Variants in SBF2 observed in about 807,000 individuals in gnomAD.
The protein encoded by SBF2 is SET binding factor 2.
SBF2 carries 112 observed loss-of-function variants against 225.2 expected under a neutral mutation model. The ratio of observed to expected loss-of-function variants is 0.50; its 90% CI spans 0.43 to 0.58. The LOEUF is 0.58. Among genes scored for constraint, SBF2 ranks in the 20% least tolerant of loss-of-function variants. SBF2 has a pLI of 0.00. For missense variants in SBF2, 1,996 were observed against 2,206.2 expected (o/e 0.90, Z 1.91); for synonymous variants, 763 against 773.3 (o/e 0.99, Z 0.22).
chr11:10,021,508 G>C (rs949212887), intron 6 of SBF2, among the ~76,000 whole-genome samples: 1 of 151,998 alleles, frequency 6.6e-6, no homozygotes, highest in Non-Finnish European at 1.5e-5. Context: ...AGATGAAGGC[G>C]ATCAAGAGGA....
At chr11:9,789,407 C>A (rs1852593643) in intron 34 of SBF2, 65 bp from the exon 35 acceptor site, 2 of 1,155,446 alleles carry the variant, frequency 1.7e-6, no homozygotes, top group African/African-American at 1.5e-5. Context: ...CACTGTCAGG[C>A]AAACCCCTAA....
At chr11:10,014,729 A>C (rs895814255) in intron 6 of SBF2, among the ~76,000 whole-genome samples, 1 of 151,920 alleles carries the variant, frequency 6.6e-6, no homozygotes, top group Admixed American at 6.6e-5. Flanking sequence ...CTTTCTTCTT[A>C]TCCTAATTGA....
intron 2 of SBF2, among the ~76,000 whole-genome samples, chr11:10,173,827 C>A (rs1240501532): frequency 6.6e-6 from 1 of 150,970 alleles, no homozygotes; most frequent in Non-Finnish European, 1.5e-5. Context: ...AACAGGCAGA[C>A]TGCCTCCTCA....
chr11:9,900,507 G>A (rs1057496502), intron 16 of SBF2, among the ~76,000 whole-genome samples: 3 of 151,990 alleles, frequency 2.0e-5, no homozygotes, highest in Admixed American at 6.6e-5. Context: ...TAGCCTGTGC[G>A]GTCTAACCCT....
At chr11:10,163,031 A>T (rs1192439274) in intron 2 of SBF2, among the ~76,000 whole-genome samples, 1 of 152,206 alleles carries the variant, frequency 6.6e-6, no homozygotes, top group Non-Finnish European at 1.5e-5. Flanking sequence ...GGTCGAAGAC[A>T]GCATAAAACA....
In SBF2 at chr11:10,185,453, T is replaced by G. The variant is rs185113268; in HGVS notation, c.141+8449A>C. 4.1e-3 allele frequency among the ~76,000 whole-genome samples: 623 copies of G among 152,266 alleles called. 4 individuals are homozygous for G. The highest frequency in any genetic ancestry group is 0.027 in the Middle Eastern group (8 of 294). The stretch of plus-strand genomic sequence containing the variant: ...TTGTTATTTTCTGGGATTTTTGTTT[T>G]GTTTTGGGGCTTTTTTTAGAGTTGG... On this transcript the variant is annotated intron_variant, in intron 2 of 39. Transcript: ENST00000256190.
At chr11:10,198,813 A>G (rs1957472306) in intron 1 of SBF2, among the ~76,000 whole-genome samples, 1 of 152,126 alleles carries the variant, frequency 6.6e-6, no homozygotes, top group African/African-American at 2.4e-5. Context: ...CTTTTCTTAA[A>G]CCTCATGAAC....
intron 16 of SBF2, among the ~76,000 whole-genome samples, chr11:9,947,204 G>A (rs1161557946): frequency 6.6e-6 from 1 of 152,154 alleles, no homozygotes; most frequent in Non-Finnish European, 1.5e-5. Flanking sequence ...AAATATTTTA[G>A]TTCAAATAAG....
At chr11:10,077,699 A>G (rs1951176583) in intron 2 of SBF2, among the ~76,000 whole-genome samples, 1 of 152,270 alleles carries the variant, frequency 6.6e-6, no homozygotes, top group Non-Finnish European at 1.5e-5. Flanking sequence ...AAGAAAACGT[A>G]GGCAATACCA....
intron 16 of SBF2, chr11:9,959,900 C>G (rs1866451697): frequency 2.7e-6 from 1 of 375,658 alleles, no homozygotes; most frequent in East Asian, 5.9e-5. Flanking sequence ...GCTCTTCTCC[C>G]ATTCTCGGCT....
chr11:10,155,074 C>T (rs1955401773), intron 2 of SBF2, among the ~76,000 whole-genome samples: 1 of 152,138 alleles, frequency 6.6e-6, no homozygotes, highest in Admixed American at 6.5e-5. Flanking sequence ...TTAAACTCCA[C>T]CTGGACTTCT....
chr11:9,983,301 G>A (rs1440378840), intron 13 of SBF2, among the ~76,000 whole-genome samples: 2 of 152,128 alleles, frequency 1.3e-5, no homozygotes, highest in Non-Finnish European at 2.9e-5. Flanking sequence ...GCCTGTGACT[G>A]CCGGCTTTCC....
intron 1 of SBF2, among the ~76,000 whole-genome samples, chr11:10,228,618 A>C (rs1399672338): frequency 6.6e-6 from 1 of 152,198 alleles, no homozygotes; most frequent in African/African-American, 2.4e-5. Context: ...ATGCTGGATT[A>C]CATTTATTGA....
At chr11:10,003,675 A>AT (rs1214420626) in intron 6 of SBF2, among the ~76,000 whole-genome samples, 1 of 150,920 alleles carries the variant, frequency 6.6e-6, no homozygotes, top group Non-Finnish European at 1.5e-5. Context: ...CCTGGTTTTT[A>AT]TTTTTTCTAT....
chr11:9,864,469 C>G (rs1234713962), intron 17 of SBF2, among the ~76,000 whole-genome samples: 1 of 152,188 alleles, frequency 6.6e-6, no homozygotes, highest in East Asian at 1.9e-4. Flanking sequence ...TCACTGCAGT[C>G]TTGACCTCCT....
At position 9,808,005 on chromosome 11, in the gene SBF2, G is replaced by A; in HGVS notation, c.4438C>T (p.His1480Tyr). The stretch of plus-strand genomic sequence containing the variant: ...CTCAAGCTTGCTCTACTTACCTGGT[G>A]TACACAGTCTAAGAACTGTAAGAAG... ...PVFLQFLDCV[H>Y]QVHNQYPTEF... Residue 1480 changes from histidine (H) to tyrosine (Y), a missense_variant, in exon 32 of 40, where the codon CAC (histidine) becomes TAC (tyrosine). His to Tyr is a moderately conservative substitution (Grantham distance 83). Transcript: ENST00000256190. 1 of 1,613,728 alleles carries A rather than the reference G, an allele frequency of 6.2e-7. No homozygotes were observed. The highest frequency in any genetic ancestry group is 8.5e-7 in the Non-Finnish European group (1 of 1,179,692).
intron 2 of SBF2, among the ~76,000 whole-genome samples, chr11:10,102,302 C>T (rs1952342312): frequency 1.3e-5 from 2 of 152,210 alleles, no homozygotes; most frequent in Non-Finnish European, 2.9e-5. Context: ...ACCTCATCTG[C>T]ACTTCTGTCT....
At chr11:9,977,608 T>G (rs1946759861) in intron 13 of SBF2, among the ~76,000 whole-genome samples, 1 of 152,176 alleles carries the variant, frequency 6.6e-6, no homozygotes. Flanking sequence ...CATTATGAAT[T>G]GGGAATGGAA....
At chr11:10,258,619 TTACTGCTCATCCATACACCAC>T (rs1431906323) in intron 1 of SBF2, among the ~76,000 whole-genome samples, 1 of 152,226 alleles carries the variant, frequency 6.6e-6, no homozygotes, top group East Asian at 1.9e-4. Flanking sequence ...AATCTTATGA[TTACTGCTCATCCATACACCAC>T]TTCTAGGTGA....
Sources: allele counts gnomAD v4.1 joint callset (sites outside exome capture counted in the v4.1 genomes callset), GRCh38; gene constraint gnomAD v4.1.1; transcripts MANE v1.5; gene names NCBI Gene and HGNC (gene_info 2026-07-23, HGNC 2026-07-21).